TOMM34: variants seen among roughly 807,000 people sequenced by gnomAD.
TOMM34 encodes mitochondrial import receptor subunit TOM34.
In TOMM34, 24 loss-of-function variants were observed where a neutral mutation model predicts 37.4. The observed-to-expected ratio is 0.64, with a 90% confidence interval of 0.46 to 0.90. The LOEUF is 0.90. TOMM34 is among the 40% of genes least tolerant of loss of function. The pLI, the probability that TOMM34 is intolerant of heterozygous loss-of-function variation, is 0.00. For synonymous variants in TOMM34, 154 were observed against 148.9 expected (o/e 1.03, Z -0.25); for missense variants, 304 against 375.6 (o/e 0.81, Z 1.58).
chr20:44,955,498 C>A, intron 2 of TOMM34: 1 of 563,378 alleles, frequency 1.8e-6, no homozygotes, highest in Non-Finnish European at 3.4e-6. Context: ...AGAACAAAAG[C>A]CTCATGGCTT....
At chr20:44,950,856 C>T (rs1021305174) in intron 4 of TOMM34, among the ~76,000 whole-genome samples, 2 of 152,202 alleles carry the variant, frequency 1.3e-5, no homozygotes, top group African/African-American at 4.8e-5. Context: ...GAATCCCTAG[C>T]TTGCTGGGCT....
chr20:44,958,144 A>ATGTG (rs145616616), intron 1 of TOMM34, among the ~76,000 whole-genome samples: 1,914 of 146,940 alleles, frequency 0.013, 14 homozygotes, highest in African/African-American at 0.025. Flanking sequence ...ATGTATATAT[A>ATGTG]TGTGTGTGTG....
chr20:44,948,966 T>C, intron 4 of TOMM34, 89 bp from the exon 5 acceptor site: 1 of 1,482,284 alleles, frequency 6.7e-7, no homozygotes, highest in Admixed American at 2.2e-5. Flanking sequence ...CCTTCCAAAC[T>C]GACTACAATC....
chr20:44,944,163 A>G (rs1408360609), intron 5 of TOMM34, among the ~76,000 whole-genome samples: 1 of 152,250 alleles, frequency 6.6e-6, no homozygotes, highest in Non-Finnish European at 1.5e-5. Context: ...TGGGTGTTCA[A>G]TGTACAAATC....
chr20:44,956,263 A>T, intron 2 of TOMM34, 123 bp downstream of exon 2: 1 of 956,810 alleles, frequency 1.0e-6, no homozygotes, highest in Non-Finnish European at 1.6e-6. Flanking sequence ...ACTCAGTGAC[A>T]CTTTCTTAAT....
Position 44,956,489 on chromosome 20 carries a change from C to G in TOMM34, c.128-4G>C. The G allele has an allele frequency of 6.2e-7, 1 of 1,613,968 alleles. No homozygotes were observed. Among genetic ancestry groups the G allele is most frequent in the Non-Finnish European group, 8.5e-7 (1 of 1,179,944 alleles). ...TCTTCTTCTGGGTCTGAAGAACCTG[C>G]CCAGATAGAGTGGGGAAGATGATCA... is the stretch of plus-strand genomic sequence containing the variant. On this transcript the variant is annotated splice_region_variant and splice_polypyrimidine_tract_variant and intron_variant, in intron 1 of 6. Transcript: ENST00000372813.
At chr20:44,944,158 G>A (rs997961927) in intron 5 of TOMM34, among the ~76,000 whole-genome samples, 2 of 152,130 alleles carry the variant, frequency 1.3e-5, no homozygotes, top group Non-Finnish European at 2.9e-5. Context: ...GTCTATGGGT[G>A]TTCAATGTAC....
At chr20:44,958,375 C>T (rs1357023397) in intron 1 of TOMM34, 7 of 471,528 alleles carry the variant, frequency 1.5e-5, no homozygotes, top group Non-Finnish European at 3.1e-5. Context: ...TAAAATACAT[C>T]CTTGCCCTTA....
intron 2 of TOMM34, chr20:44,955,458 A>G (rs538727863): frequency 2.2e-5 from 14 of 637,060 alleles, no homozygotes; most frequent in Middle Eastern, 2.5e-4. Context: ...ACATGCATCA[A>G]TTTTCATAGT....
Position 44,955,051 on chromosome 20 carries a change from C to G in TOMM34, c.380+17G>C, listed in dbSNP as rs370172996. Reference sequence around the variant, plus strand: ...AGGGAGTTGCCGTGGAGACCACCTGCTGGGAATGGAGCTCACCTGTTGATG... The same window carrying G: ...AGGGAGTTGCCGTGGAGACCACCTGGTGGGAATGGAGCTCACCTGTTGATG... On this transcript the variant is annotated intron_variant, in intron 3 of 6. Coordinates refer to ENST00000372813, the MANE Select transcript of TOMM34 (RefSeq NM_006809.5). The G allele has an allele frequency of 1.2e-6, 2 of 1,613,344 alleles. No individual in the cohort carries two copies. Among genetic ancestry groups the G allele is most frequent in the Non-Finnish European group, 1.7e-6 (2 of 1,179,478 alleles).
chr20:44,947,691 G>A (rs545184535), intron 5 of TOMM34, among the ~76,000 whole-genome samples: 3 of 152,226 alleles, frequency 2.0e-5, no homozygotes, highest in Admixed American at 6.5e-5. Flanking sequence ...GTAGAGATGG[G>A]GTTTTGCCGT....
At chr20:44,944,802 G>T (rs996535027) in intron 5 of TOMM34, among the ~76,000 whole-genome samples, 1 of 152,202 alleles carries the variant, frequency 6.6e-6, no homozygotes, top group African/African-American at 2.4e-5. Context: ...CCAACTTTGG[G>T]TCTTAAATTT....
At chr20:44,949,680 A>G (rs1386012512) in intron 4 of TOMM34, among the ~76,000 whole-genome samples, 1 of 152,226 alleles carries the variant, frequency 6.6e-6, no homozygotes, top group Non-Finnish European at 1.5e-5. Flanking sequence ...ATAGGTTTAC[A>G]CCCTGAATTC....
rs1410907996 is a variant in TOMM34 at position 44,960,298 on chromosome 20, G to A, written c.36C>T (p.Leu12=). 6.3e-7 allele frequency: 1 copy of A among 1,585,708 alleles called. No individual in the cohort carries two copies. The highest frequency in any genetic ancestry group is 8.6e-7 in the Non-Finnish European group (1 of 1,166,932). Residue 12 remains leucine, a synonymous_variant, in exon 1 of 7, where the codon CTC becomes CTT. Coordinates refer to ENST00000372813, the MANE Select transcript of TOMM34 (RefSeq NM_006809.5). The stretch of plus-strand genomic sequence containing the variant: ...GGAAACTCTCATTGCCGGCGGCGCG[G>A]AGCTCCTCCACAGAGTCTGGGAATT... ...APKFPDSVEE[L]RAAGNESFRN... is the part of the protein sequence containing the mutation.
intron 6 of TOMM34, 98 bp from the exon 7 acceptor site, chr20:44,943,311 G>C (rs2066951666): frequency 6.3e-7 from 1 of 1,595,880 alleles, no homozygotes; most frequent in Non-Finnish European, 8.6e-7. Flanking sequence ...CAGCCCACAG[G>C]CCTGCTCTGA....
At chr20:44,948,391 G>T (rs1159754991) in intron 5 of TOMM34, among the ~76,000 whole-genome samples, 1 of 152,218 alleles carries the variant, frequency 6.6e-6, no homozygotes, top group Non-Finnish European at 1.5e-5. Flanking sequence ...TTGGAGAAGG[G>T]TAGGGAGCAG....
chr20:44,960,373 T>TC lies in TOMM34; in HGVS notation c.-41dup, dbSNP rs147512772. 2.6e-6 allele frequency: 4 copies of TC among 1,513,730 alleles called. No homozygotes were observed. In the East Asian group the frequency reaches 1.0e-4, roughly 39 times the overall value. The allele number at this position is 1,513,730 out of a possible 1,614,324, so 93.8% of individuals were successfully genotyped here. A position where few individuals can be genotyped will look rare whatever the true frequency, so the allele number is the denominator to read the frequency against. ...GGCGAGTTGGGAGCTCCTTCCTTCC[T>TC]CCCCCGTGTGGTGCGGCACACCTTC... is the stretch of plus-strand genomic sequence containing the variant. On this transcript the variant is annotated 5_prime_UTR_variant, in exon 1 of 7. Coordinates refer to ENST00000372813, the MANE Select transcript of TOMM34 (RefSeq NM_006809.5).
chr20:44,948,597 C>T, intron 5 of TOMM34, 133 bp downstream of exon 5: 1 of 1,143,002 alleles, frequency 8.7e-7, no homozygotes, highest in Non-Finnish European at 1.2e-6. Flanking sequence ...GGCTAGCTCA[C>T]AACGTGGATG....
chr20:44,954,886 C>A (rs2067057379), intron 3 of TOMM34, among the ~76,000 whole-genome samples, 182 bp downstream of exon 3: 2 of 152,128 alleles, frequency 1.3e-5, no homozygotes, highest in Admixed American at 6.5e-5. Context: ...TAATTGACTC[C>A]CTGAAAACCT....
Sources: gnomAD v4.1 joint callset for allele counts (sites outside exome capture counted in the v4.1 genomes callset) on GRCh38, gnomAD v4.1.1 for gene constraint, MANE v1.5 for transcripts, NCBI Gene and HGNC (gene_info 2026-07-23, HGNC 2026-07-21) for gene names.